Variants in DAAM1 observed in about 807,000 individuals in gnomAD.
DAAM1 encodes the protein dishevelled associated activator of morphogenesis 1.
Under a neutral mutation model 130.0 loss-of-function variants are expected in DAAM1, and 52 were observed. That is an observed-to-expected ratio of 0.40 (90% confidence interval 0.32 to 0.50). DAAM1 has a LOEUF of 0.50. Among genes scored for constraint, DAAM1 ranks in the 20% least tolerant of loss-of-function variants. The probability of loss-of-function intolerance (pLI) is 0.61; values close to 1 mark genes in which losing one functional copy is unlikely to be tolerated. For synonymous variants in DAAM1, 452 were observed against 444.5 expected, an observed-to-expected ratio of 1.02 and a Z score of -0.21; for missense variants, 1,134 against 1,303.8, an observed-to-expected ratio of 0.87 and a Z score of 2.01.
At chr14:59,284,061 T>C (rs1055553664) in intron 2 of DAAM1, among the ~76,000 whole-genome samples, 1 of 152,134 alleles carries the variant, frequency 6.6e-6, no homozygotes, top group Non-Finnish European at 1.5e-5. Context: ...TCCTAAATGC[T>C]GGATGATAAG....
intron 3 of DAAM1, among the ~76,000 whole-genome samples, chr14:59,305,831 A>G (rs1884360026): frequency 6.6e-6 from 1 of 152,228 alleles, no homozygotes; most frequent in Non-Finnish European, 1.5e-5. Context: ...TGGGGAGGAC[A>G]TAAATAATAG....
intron 3 of DAAM1, among the ~76,000 whole-genome samples, chr14:59,313,675 G>T (rs925347841): frequency 6.6e-6 from 1 of 152,194 alleles, no homozygotes; most frequent in Non-Finnish European, 1.5e-5. Context: ...ATCACTGTGA[G>T]TTTTGGCTTG....
At chr14:59,204,858 C>T (rs909240800) in intron 1 of DAAM1, among the ~76,000 whole-genome samples, 14 of 152,122 alleles carry the variant, frequency 9.2e-5, no homozygotes, top group African/African-American at 3.4e-4. Flanking sequence ...ATGGCAAAAA[C>T]CTCTCTCTTA....
chr14:59,323,766 C>T (rs1321706981), intron 6 of DAAM1, among the ~76,000 whole-genome samples: 1 of 152,144 alleles, frequency 6.6e-6, no homozygotes, highest in Non-Finnish European at 1.5e-5. Flanking sequence ...TTTTTGGTGG[C>T]TCACACCTCT....
At chr14:59,271,936 G>A (rs17095990) in intron 2 of DAAM1, among the ~76,000 whole-genome samples, 11,963 of 151,992 alleles carry the variant, frequency 0.079, 505 homozygotes, top group Non-Finnish European at 0.098. Flanking sequence ...AAAAAATTGC[G>A]TAATAGGAAC....
intron 2 of DAAM1, among the ~76,000 whole-genome samples, chr14:59,289,044 T>G (rs1883599129): frequency 1.3e-5 from 2 of 152,238 alleles, no homozygotes; most frequent in South Asian, 4.2e-4. Context: ...GCCTCCTGAG[T>G]AGCTGGGACT....
intron 1 of DAAM1, among the ~76,000 whole-genome samples, chr14:59,260,608 T>C (rs952952985): frequency 1.3e-5 from 2 of 152,252 alleles, no homozygotes; most frequent in African/African-American, 4.8e-5. Context: ...CAAGCACTTA[T>C]TCTATGCCCT....
chr14:59,346,187 C>G (rs1025663454), intron 16 of DAAM1, among the ~76,000 whole-genome samples: 1 of 149,368 alleles, frequency 6.7e-6, no homozygotes, highest in African/African-American at 2.5e-5. Context: ...TTATTACTAT[C>G]CTTGTTTTAC....
intron 2 of DAAM1, among the ~76,000 whole-genome samples, chr14:59,281,047 C>G (rs1201522831): frequency 6.8e-6 from 1 of 147,272 alleles, no homozygotes; most frequent in Non-Finnish European, 1.5e-5. Context: ...ATGAGTTCTT[C>G]TTACTGTCTG....
At chr14:59,367,313 TGAGCAAACA>T (rs1886957713) in intron 23 of DAAM1, 107 bp from the exon 24 acceptor site, 50 of 1,443,578 alleles carry the variant, frequency 3.5e-5, no homozygotes, top group Non-Finnish European at 4.5e-5. Context: ...TAAAAATAAA[TGAGCAAACA>T]AAACTTACGT....
intron 4 of DAAM1, among the ~76,000 whole-genome samples, chr14:59,318,254 C>T (rs1884867089): frequency 6.6e-6 from 1 of 151,656 alleles, no homozygotes; most frequent in African/African-American, 2.4e-5. Context: ...TATTGATTTC[C>T]CACCAAAGAA....
At chr14:59,327,290 C>G (rs1885240242) in intron 12 of DAAM1, among the ~76,000 whole-genome samples, 1 of 151,896 alleles carries the variant, frequency 6.6e-6, no homozygotes, top group Non-Finnish European at 1.5e-5. Context: ...TAATTCAAAC[C>G]CTTCCCCTAC....
chr14:59,265,678 T>TA (rs1158874117), intron 2 of DAAM1: 3 of 152,226 alleles, frequency 2.0e-5, no homozygotes, highest in African/African-American at 7.2e-5. Flanking sequence ...CATCTTAAAC[T>TA]AGGTTATGCT....
chr14:59,338,428 T>C (rs969557885), intron 15 of DAAM1: 2 of 1,613,252 alleles, frequency 1.2e-6, no homozygotes, highest in East Asian at 4.5e-5. Flanking sequence ...AGTGAGCTAC[T>C]ACCTAAAGCT....
intron 1 of DAAM1, among the ~76,000 whole-genome samples, chr14:59,200,974 A>G (rs1888082131): frequency 6.6e-6 from 1 of 151,948 alleles, no homozygotes; most frequent in Non-Finnish European, 1.5e-5. Context: ...ATCCTGGCTA[A>G]CATGATGAAA....
intron 1 of DAAM1, among the ~76,000 whole-genome samples, chr14:59,204,355 G>A (rs565582645): frequency 1.3e-5 from 2 of 152,320 alleles, no homozygotes; most frequent in East Asian, 3.9e-4. Context: ...TTAGCTTCTA[G>A]AGGCCACCCA....
intron 19 of DAAM1, among the ~76,000 whole-genome samples, chr14:59,354,906 G>T (rs1481721830): frequency 1.3e-5 from 2 of 152,220 alleles, no homozygotes; most frequent in African/African-American, 4.8e-5. Context: ...TGATGAGTCA[G>T]CCAAGAAAGG....
rs753303582 is a variant in DAAM1 at position 59,363,780 on chromosome 14, C to G, written c.2824C>G (p.Leu942Val). 1.2e-6 allele frequency: 2 copies of G among 1,613,724 alleles called. No individual in the cohort carries two copies. Among genetic ancestry groups the G allele is most frequent in the Non-Finnish European group, 1.7e-6 (2 of 1,179,914 alleles). Residue 942 changes from leucine to valine, a missense_variant and splice_region_variant, in exon 23 of 25, where the codon CTG (leucine) becomes GTG (valine). Physicochemically the swap from Leu to Val is conservative, Grantham distance 32. Transcript: ENST00000360909. ...AGACCTTCTAGCAGAAGCTAAAGAC[C>G]TGGTAAGTTTCCCCCTTGTGCACTG... is the stretch of plus-strand genomic sequence containing the variant. ...VEDLLAEAKD[L>V]FTKAVKHFGE...
intron 1 of DAAM1, among the ~76,000 whole-genome samples, chr14:59,254,456 G>T (rs760505592): frequency 2.0e-5 from 3 of 152,114 alleles, no homozygotes; most frequent in Non-Finnish European, 4.4e-5. Context: ...GTCTTTGTAC[G>T]GTATCTGAGT....
Sources: allele counts gnomAD v4.1 joint callset (sites outside exome capture counted in the v4.1 genomes callset), GRCh38; gene constraint gnomAD v4.1.1; transcripts MANE v1.5; gene names NCBI Gene and HGNC (gene_info 2026-07-23, HGNC 2026-07-21).